The following SP4 variants were observed in gnomAD, a reference collection of about 807,000 sequenced individuals.
The protein encoded by SP4 is Sp4 transcription factor, also known as transcription factor Sp4.
A neutral mutation model predicts 72.8 loss-of-function variants in SP4; 19 were observed. That is an observed-to-expected ratio of 0.26 (90% CI 0.18 to 0.38). The LOEUF is 0.38. SP4 is among the 10% of genes least tolerant of loss of function. SP4 has a pLI of 1.00. For missense variants in SP4, 1,008 were observed against 926.3 expected, an observed-to-expected ratio of 1.09 and a Z score of -1.14; for synonymous variants, 395 against 333.1, an observed-to-expected ratio of 1.19 and a Z score of -2.02.
intron 5 of SP4, among the ~76,000 whole-genome samples, chr7:21,495,410 G>GT (rs1273016749): frequency 1.4e-3 from 197 of 145,658 alleles, no homozygotes; most frequent in South Asian, 3.9e-3. Context: ...AAATTTAACA[G>GT]TTTTTTTTTT....
intron 3 of SP4, 70 bp from the exon 4 acceptor site, chr7:21,477,009 A>T (rs1194955692): frequency 1.9e-6 from 2 of 1,061,570 alleles, no homozygotes; most frequent in East Asian, 5.6e-5. Context: ...ATGCACATAG[A>T]TTTTTTTTTT....
intron 3 of SP4, among the ~76,000 whole-genome samples, chr7:21,457,448 C>T (rs1783802432): frequency 1.3e-5 from 2 of 152,104 alleles, no homozygotes; most frequent in Admixed American, 6.5e-5. Flanking sequence ...TTAATGAATA[C>T]TTTACTGAGT....
chr7:21,435,902 T>G (rs1783037119), intron 3 of SP4, among the ~76,000 whole-genome samples: 2 of 152,150 alleles, frequency 1.3e-5, no homozygotes, highest in East Asian at 3.9e-4. Context: ...AAAATAGAGT[T>G]TTTTGTTTGT....
Position 21,428,802 on chromosome 7 carries a change from A to T in SP4, c.123+10A>T. On this transcript the variant is annotated intron_variant, in intron 2 of 5. Coordinates refer to ENST00000222584, the MANE Select transcript of SP4 (RefSeq NM_003112.5). ...AACCTCAGGCTCCCAGGTAAAAGCA[A>T]ACAAATTAAAAAAATTCATCACGAC... 1 of 1,543,508 alleles carries T rather than the reference A, an allele frequency of 6.5e-7. No homozygotes were observed. The highest frequency in any genetic ancestry group is 8.7e-7 in the Non-Finnish European group (1 of 1,143,984).
chr7:21,470,488 C>A (rs1562608459), intron 3 of SP4, among the ~76,000 whole-genome samples: 1 of 152,184 alleles, frequency 6.6e-6, no homozygotes, highest in Non-Finnish European at 1.5e-5. Context: ...GCCTCACAAT[C>A]CAGAGAACTA....
intron 3 of SP4, among the ~76,000 whole-genome samples, chr7:21,442,828 C>T (rs767014951): frequency 1.2e-4 from 19 of 152,186 alleles, no homozygotes; most frequent in Non-Finnish European, 2.4e-4. Flanking sequence ...CTCTGCCTTC[C>T]GGGTTCAAGT....
chr7:21,455,519 A>G lies in SP4; in HGVS notation c.1679-21560A>G, dbSNP rs556912024. Among the ~76,000 whole-genome samples, 4 of 152,324 alleles carry G rather than the reference A, an allele frequency of 2.6e-5. No homozygotes were observed. In the East Asian group the frequency reaches 7.7e-4, roughly 29 times the overall value. On this transcript the variant is annotated intron_variant, in intron 3 of 5. Coordinates refer to ENST00000222584, the MANE Select transcript of SP4 (RefSeq NM_003112.5). Reference sequence around the variant, plus strand: ...TACTTTCCTATATCCTGAATAGGACATCCCCCATTCGTCCTTAGGGTTCCA... The same window carrying G: ...TACTTTCCTATATCCTGAATAGGACGTCCCCCATTCGTCCTTAGGGTTCCA...
At chr7:21,510,882 T>C (rs1447184859) in intron 5 of SP4, 140 bp from the exon 6 acceptor site, 3 of 763,802 alleles carry the variant, frequency 3.9e-6, no homozygotes, top group African/African-American at 1.8e-5. Context: ...TTTGATAACG[T>C]TTTTAAATAA....
chr7:21,486,680 T>C (rs751259077), intron 5 of SP4, among the ~76,000 whole-genome samples: 4 of 152,188 alleles, frequency 2.6e-5, no homozygotes, highest in Non-Finnish European at 5.9e-5. Context: ...ATCTCATTAT[T>C]GGTGATGTTA....
In SP4 at chr7:21,429,548, C is replaced by T; in HGVS notation, c.383C>T (p.Ser128Phe). The change falls in exon 3 of 6, where the codon TCC becomes TTC. Residue 128 changes from serine (S) to phenylalanine (F), a missense_variant. By Grantham distance (155) the Ser-to-Phe change is radical. This residue lies in a region of SP4 where 893 missense variants were observed against 743.3 expected (regional missense o/e 1.20). Transcript: ENST00000222584. ...CCAGCCTCTAGTTCGTCTAGTTCTT[C>T]CAGCAGTAATAACGGGAGTGCATCT... is the stretch of plus-strand genomic sequence containing the variant. ...SQPASSSSSSSSSNNGSASPT... is the reference protein window; with the variant it reads ...SQPASSSSSSFSSNNGSASPT... The T allele has an allele frequency of 6.2e-7, 1 of 1,614,092 alleles. No homozygotes were observed. The highest frequency in any genetic ancestry group is 1.1e-5 in the South Asian group (1 of 91,086).
At chr7:21,463,843 A>T (rs2128403326) in intron 3 of SP4, among the ~76,000 whole-genome samples, 1 of 152,230 alleles carries the variant, frequency 6.6e-6, no homozygotes, top group Non-Finnish European at 1.5e-5. Flanking sequence ...ATACTTATAG[A>T]TTTATTTGAT....
intron 5 of SP4, among the ~76,000 whole-genome samples, chr7:21,493,384 A>G (rs1268119433): frequency 6.6e-6 from 1 of 152,214 alleles, no homozygotes; most frequent in Non-Finnish European, 1.5e-5. Context: ...TGTGGGATGC[A>G]GGTAAAGCAG....
intron 3 of SP4, among the ~76,000 whole-genome samples, chr7:21,440,937 T>C (rs928356205): frequency 1.3e-5 from 2 of 152,230 alleles, no homozygotes; most frequent in Non-Finnish European, 2.9e-5. Flanking sequence ...AAATGTCTGC[T>C]GTCTGATTAA....
Position 21,481,989 on chromosome 7 carries a change from A to G in SP4, c.1973A>G (p.Tyr658Cys). The G allele has an allele frequency of 6.2e-7, 1 of 1,614,074 alleles. No individual in the cohort carries two copies. Among genetic ancestry groups the G allele is most frequent in the Non-Finnish European group, 8.5e-7 (1 of 1,179,918 alleles). The part of the protein sequence containing the change: ...ICHIEGCGKV[Y>C]GKTSHLRAHL... ...CATATTGAAGGATGTGGTAAAGTTT[A>G]TGGCAAAACATCTCATTTACGAGCA... The change falls in exon 5 of 6, where the codon TAT becomes TGT. Residue 658 changes from tyrosine to cysteine, a missense_variant. By Grantham distance (194) the Tyr-to-Cys change is radical (BLOSUM62 -2). Transcript: ENST00000222584.
At chr7:21,485,592 A>G (rs1438504095) in intron 5 of SP4, among the ~76,000 whole-genome samples, 1 of 152,064 alleles carries the variant, frequency 6.6e-6, no homozygotes, top group Non-Finnish European at 1.5e-5. Context: ...TCTTGCATTT[A>G]GAATTAAGGA....
In SP4 at chr7:21,511,162, T is replaced by A. The variant is rs757933049; in HGVS notation, c.2248T>A (p.Ser750Thr). The A allele has an allele frequency of 6.2e-7, 1 of 1,614,190 alleles. No homozygotes were observed. The highest frequency in any genetic ancestry group is 1.7e-5 in the Admixed American group (1 of 60,026). Residue 750 changes from serine to threonine, a missense_variant, in exon 6 of 6, where the codon TCT becomes ACT. Ser to Thr is a moderately conservative substitution (Grantham distance 58, BLOSUM62 1). Transcript: ENST00000222584. Reference protein sequence around the residue: ...AIVTSGELDSSVTEVLGSPRI... With the variant: ...AIVTSGELDSTVTEVLGSPRI... ...TGTTACCTCGGGAGAACTGGACTCATCTGTTACAGAGGTGCTTGGCTCCCC... is the reference window on the plus strand; with the variant it reads ...TGTTACCTCGGGAGAACTGGACTCAACTGTTACAGAGGTGCTTGGCTCCCC...
At chr7:21,454,887 A>AG (rs1783714547) in intron 3 of SP4, among the ~76,000 whole-genome samples, 1 of 152,218 alleles carries the variant, frequency 6.6e-6, no homozygotes, top group African/African-American at 2.4e-5. Flanking sequence ...TTTTTAGGGA[A>AG]GGGGTGCCAT....
chr7:21,485,993 T>TG (rs1784803184), intron 5 of SP4, among the ~76,000 whole-genome samples: 1 of 152,010 alleles, frequency 6.6e-6, no homozygotes, highest in South Asian at 2.1e-4. Context: ...CGTGCTGAAA[T>TG]GCTTCCTAAC....
intron 5 of SP4, among the ~76,000 whole-genome samples, chr7:21,494,396 C>T (rs1785054483): frequency 6.6e-6 from 1 of 151,904 alleles, no homozygotes; most frequent in Admixed American, 6.6e-5. Flanking sequence ...GTGGTGCCTA[C>T]CAAAAAGCTT....
Sources: allele counts gnomAD v4.1 joint callset (sites outside exome capture counted in the v4.1 genomes callset), GRCh38; gene constraint gnomAD v4.1.1; regional missense constraint gnomAD v4.1.1; transcripts MANE v1.5; gene names NCBI Gene and HGNC (gene_info 2026-07-23, HGNC 2026-07-21).